The following BCAR3 variants were observed in gnomAD, a reference collection of about 807,000 sequenced individuals.
The protein encoded by BCAR3 is breast cancer anti-estrogen resistance protein 3.
BCAR3 carries 37 observed loss-of-function variants against 80.1 expected under a neutral mutation model. The observed-to-expected ratio is 0.46, with a 90% CI of 0.36 to 0.61. BCAR3 has a LOEUF of 0.61. Ranked by LOEUF, BCAR3 falls within the 20% of genes least tolerant of loss-of-function variation. The probability of loss-of-function intolerance (pLI) is 0.00; values close to 1 mark genes in which losing one functional copy is unlikely to be tolerated. For synonymous variants in BCAR3, 389 were observed against 418.9 expected (o/e 0.93, Z 0.87); for missense variants, 978 against 1,068.2 (o/e 0.92, Z 1.18).
rs2221923 is a variant in BCAR3, at chr1:93,729,614, C to T, written c.-62-23472G>A. ...TAACCCACCCCACCGGAAGCCCTGA[C>T]GCTGGGATGGCTTCTCAGAGTTGTC... On this transcript the variant is annotated intron_variant, in intron 2 of 13. Transcript: ENST00000370244. Among the ~76,000 whole-genome samples the T allele has an allele frequency of 7.7e-3, 1,177 of 152,310 alleles. 17 individuals carry two copies. Among genetic ancestry groups the T allele is most frequent in the African/African-American group, 0.027 (1,118 of 41,552 alleles).
intron 2 of BCAR3, among the ~76,000 whole-genome samples, chr1:93,755,989 T>C (rs1173517349): frequency 6.6e-6 from 1 of 152,216 alleles, no homozygotes; most frequent in Non-Finnish European, 1.5e-5. Flanking sequence ...GAAGTTCACC[T>C]GCTCTTGACA....
intron 3 of BCAR3, among the ~76,000 whole-genome samples, chr1:93,638,171 C>T (rs565010994): frequency 4.6e-5 from 7 of 152,308 alleles, no homozygotes; most frequent in Non-Finnish European, 1.0e-4. Flanking sequence ...ATCGCTTGAA[C>T]CTGAGAGGCG....
intron 2 of BCAR3, among the ~76,000 whole-genome samples, chr1:93,735,772 C>T (rs1289078630): frequency 6.6e-6 from 1 of 152,244 alleles, no homozygotes; most frequent in Non-Finnish European, 1.5e-5. Context: ...ACCAAGGCAG[C>T]TCGCTTCCAT....
intron 2 of BCAR3, among the ~76,000 whole-genome samples, chr1:93,800,501 G>A (rs184505077): frequency 4.1e-4 from 63 of 152,210 alleles, no homozygotes; most frequent in African/African-American, 8.9e-4. Flanking sequence ...GGTTAAACCC[G>A]GGAGGCAGAG....
chr1:93,821,106 T>C (rs956550439), intron 2 of BCAR3, among the ~76,000 whole-genome samples: 2 of 152,176 alleles, frequency 1.3e-5, no homozygotes, highest in Admixed American at 1.3e-4. Context: ...TTTTCTTATT[T>C]TGTCACAAGT....
intron 2 of BCAR3, among the ~76,000 whole-genome samples, chr1:93,663,833 T>G (rs1042213427): frequency 6.6e-6 from 1 of 152,176 alleles, no homozygotes; most frequent in Admixed American, 6.5e-5. Context: ...GAGTCAGTCT[T>G]TCATTCACAT....
intron 2 of BCAR3, among the ~76,000 whole-genome samples, chr1:93,725,247 A>T (rs766402933): frequency 6.6e-6 from 1 of 152,240 alleles, no homozygotes; most frequent in Non-Finnish European, 1.5e-5. Context: ...TCAAAAATAT[A>T]TACTGAATGA....
chr1:93,771,729 G>C (rs924741564), intron 2 of BCAR3, among the ~76,000 whole-genome samples: 1 of 152,138 alleles, frequency 6.6e-6, no homozygotes, highest in African/African-American at 2.4e-5. Flanking sequence ...AACACCTCAC[G>C]CAACACAAGA....
intron 1 of BCAR3, among the ~76,000 whole-genome samples, chr1:93,675,648 G>A (rs977297652): frequency 2.6e-5 from 4 of 152,082 alleles, no homozygotes; most frequent in African/African-American, 9.7e-5. Flanking sequence ...GCCCATGGGT[G>A]CCTGTACAGT....
chr1:93,610,037 GC>G (rs1445294274), intron 3 of BCAR3, among the ~76,000 whole-genome samples: 1 of 152,196 alleles, frequency 6.6e-6, no homozygotes, highest in Non-Finnish European at 1.5e-5. Flanking sequence ...TCTGCAGAAT[GC>G]CCACCAGGCA....
At chr1:93,654,821 G>A (rs776313069) in intron 2 of BCAR3, among the ~76,000 whole-genome samples, 17 of 151,912 alleles carry the variant, frequency 1.1e-4, no homozygotes, top group Non-Finnish European at 2.1e-4. Context: ...CACCTCCTCC[G>A]AGAGACCTTC....
chr1:93,643,594 A>C (rs1247042657), intron 2 of BCAR3, among the ~76,000 whole-genome samples: 1 of 150,802 alleles, frequency 6.6e-6, no homozygotes, highest in Non-Finnish European at 1.5e-5. Context: ...TTAAAAATAC[A>C]GAGAGAGAAT....
At chr1:93,634,717 C>A (rs74806053) in intron 3 of BCAR3, among the ~76,000 whole-genome samples, 3,475 of 128,776 alleles carry the variant, frequency 0.027, 55 homozygotes, top group Non-Finnish European at 0.035. Flanking sequence ...ACAACAACAA[C>A]AACAAAAAAA....
At chr1:93,779,145 G>A (rs558998902) in intron 2 of BCAR3, among the ~76,000 whole-genome samples, 5 of 152,326 alleles carry the variant, frequency 3.3e-5, no homozygotes, top group African/African-American at 9.6e-5. Context: ...CCGATGCTGA[G>A]TTTTAGGCAA....
At chr1:93,685,815 G>C (rs1400373737), upstream of BCAR3, among the ~76,000 whole-genome samples, 1 of 151,952 alleles carries the variant, frequency 6.6e-6, no homozygotes, top group Admixed American at 6.6e-5. Context: ...TTCAATTTTT[G>C]TCAACTTGAT....
At position 93,738,550 on chromosome 1, in the gene BCAR3, C is replaced by T. The variant is rs72965444; in HGVS notation, c.-62-32408G>A. ...GGTCCCGGCAGAGCTGACCGCAGGT[C>T]GGAGATGAGTCTCCGCCTGGCACTG... On this transcript the variant is annotated intron_variant, in intron 2 of 13. Transcript: ENST00000370244. 3.3e-3 allele frequency among the ~76,000 whole-genome samples: 507 copies of T among 152,342 alleles called. 4 individuals carry two copies. The highest frequency in any genetic ancestry group is 0.017 in the Middle Eastern group (5 of 294).
chr1:93,707,710 A>G (rs1055390853), intron 2 of BCAR3, among the ~76,000 whole-genome samples: 10 of 152,110 alleles, frequency 6.6e-5, no homozygotes, highest in African/African-American at 2.2e-4. Flanking sequence ...CAGTCTCAAT[A>G]AATAAATAAA....
At chr1:93,584,426 G>A (rs564134509) in intron 5 of BCAR3, among the ~76,000 whole-genome samples, 5 of 152,180 alleles carry the variant, frequency 3.3e-5, no homozygotes, top group East Asian at 1.9e-4. Context: ...AAAGTTTTAC[G>A]ATACTCCCGG....
intron 3 of BCAR3, among the ~76,000 whole-genome samples, chr1:93,625,869 GATCAGGAGA>G (rs368165644): frequency 3.3e-5 from 5 of 152,146 alleles, no homozygotes; most frequent in African/African-American, 1.2e-4. Flanking sequence ...AAAGCTTAAG[GATCAGGAGA>G]ATGCGCACTT....
Sources: gnomAD v4.1 joint callset for allele counts (sites outside exome capture counted in the v4.1 genomes callset) on GRCh38, gnomAD v4.1.1 for gene constraint, MANE v1.5 for transcripts, NCBI Gene and HGNC (gene_info 2026-07-23, HGNC 2026-07-21) for gene names.